The following MACF1 variants were observed in gnomAD, a reference collection of about 807,000 sequenced individuals.
MACF1 encodes the protein microtubule actin crosslinking factor 1, also known as microtubule-actin cross-linking factor 1.
In MACF1, 193 loss-of-function variants were observed where a neutral mutation model predicts 854.8. That is an observed-to-expected ratio of 0.23 (90% CI 0.20 to 0.25). The LOEUF (loss-of-function observed/expected upper bound fraction) is 0.25, where lower values mean the gene tolerates loss of function less well. MACF1 is among the 10% of genes least tolerant of loss of function. MACF1 has a pLI of 1.00. For synonymous variants in MACF1, 3,185 were observed against 3,226.7 expected (o/e 0.99, Z 0.44); for missense variants, 7,722 against 8,929.1 (o/e 0.86, Z 5.45).
At chr1:39,423,126 C>T (rs773575604) in intron 60 of MACF1, among the ~76,000 whole-genome samples, 2 of 152,130 alleles carry the variant, frequency 1.3e-5, no homozygotes, top group African/African-American at 4.8e-5. Flanking sequence ...TATCCTATTT[C>T]AGTGTTCATC....
At chr1:39,193,977 G>A (rs1644286699) in intron 2 of MACF1, among the ~76,000 whole-genome samples, 1 of 152,008 alleles carries the variant, frequency 6.6e-6, no homozygotes, top group South Asian at 2.1e-4. Flanking sequence ...CCAAGTAGCT[G>A]GGATTACAGG....
intron 20 of MACF1, 55 bp from the exon 21 acceptor site, chr1:39,297,565 A>G (rs1645950009): frequency 1.2e-6 from 2 of 1,606,018 alleles, no homozygotes; most frequent in South Asian, 1.1e-5. Flanking sequence ...CTTAGTTAAT[A>G]TTCCGGTGTT....
At chr1:39,167,860 C>T (rs1325029760) in intron 2 of MACF1, among the ~76,000 whole-genome samples, 2 of 133,136 alleles carry the variant, frequency 1.5e-5, no homozygotes, top group African/African-American at 5.9e-5. Flanking sequence ...GGCAACAGGG[C>T]GAGACTCCGT....
intron 2 of MACF1, among the ~76,000 whole-genome samples, chr1:39,140,110 C>T (rs1643305429): frequency 6.6e-6 from 1 of 152,046 alleles, no homozygotes; most frequent in Admixed American, 6.6e-5. Flanking sequence ...TATGCCACTA[C>T]ACCCAGCTAA....
At chr1:39,097,728 AAAG>A (rs923702082) in intron 2 of MACF1, among the ~76,000 whole-genome samples, 6 of 152,018 alleles carry the variant, frequency 3.9e-5, no homozygotes, top group Non-Finnish European at 5.9e-5. Flanking sequence ...TCTCAAAAAA[AAAG>A]AAATTCATCA....
chr1:39,308,598 A>G (rs1646236726), intron 23 of MACF1, among the ~76,000 whole-genome samples: 1 of 151,830 alleles, frequency 6.6e-6, no homozygotes, highest in Admixed American at 6.6e-5. Context: ...TGAAATCAAG[A>G]TTGAATTAGA....
rs1643780823 is a variant in MACF1 at position 39,428,048 on chromosome 1, G to A, written c.16564G>A (p.Ala5522Thr). ...GQSLSSLTSPAEQGVLSEKID... is the reference protein window; with the variant it reads ...GQSLSSLTSPTEQGVLSEKID... ...GTCCCTCTCCTCCCTGACATCTCCT[G>A]CAGAACAGGGTGTGCTGTCAGAAAA... Residue 5522 changes from alanine to threonine, a missense_variant, in exon 63 of 101, where the codon GCA (alanine) becomes ACA (threonine). By Grantham distance (58) the Ala-to-Thr change is moderately conservative. Around this residue, in one of 15 missense-constraint regions of MACF1, gnomAD observed 2,807 missense variants for 3,235.8 expected, o/e 0.87. Transcript: ENST00000564288. 1 of 1,614,216 alleles carries A rather than the reference G, an allele frequency of 6.2e-7. No individual in the cohort carries two copies. Among genetic ancestry groups the A allele is most frequent in the Non-Finnish European group, 8.5e-7 (1 of 1,180,036 alleles).
At chr1:39,100,502 A>G (rs1642042449) in intron 2 of MACF1, among the ~76,000 whole-genome samples, 1 of 152,230 alleles carries the variant, frequency 6.6e-6, no homozygotes. Context: ...CCAGCTAGTC[A>G]GTAGTCACAG....
intron 1 of MACF1, among the ~76,000 whole-genome samples, chr1:39,229,331 A>G (rs140435946): frequency 6.6e-6 from 1 of 152,232 alleles, no homozygotes; most frequent in African/African-American, 2.4e-5. Flanking sequence ...AAGATAAGAA[A>G]GTACTTATTG....
chr1:39,470,112 G>A (rs191301955), intron 97 of MACF1, among the ~76,000 whole-genome samples: 1 of 152,262 alleles, frequency 6.6e-6, no homozygotes, highest in East Asian at 1.9e-4. Context: ...TGGATCACCT[G>A]CATAATTATT....
chr1:39,335,911 G>T lies in MACF1; in HGVS notation c.9323G>T (p.Arg3108Ile). 1 of 1,614,030 alleles carries T rather than the reference G, an allele frequency of 6.2e-7. No homozygotes were observed. The highest frequency in any genetic ancestry group is 1.1e-5 in the South Asian group (1 of 91,070). Residue 3108 changes from arginine (R) to isoleucine (I), a missense_variant, in exon 37 of 101, where the codon AGA (arginine) becomes ATA (isoleucine). By Grantham distance (97) the Arg-to-Ile change is moderately conservative. Around this residue, in one of 15 missense-constraint regions of MACF1, gnomAD observed 854 missense variants for 852.6 expected, o/e 1.00. Coordinates refer to ENST00000564288, the MANE Select transcript of MACF1 (RefSeq NM_001394062.1). ...GAACCATTCCCTTGTATGACCCCAA[G>T]ACCTGAAGGATTGCACTACCAGGAA... ...QSEPFPCMTP[R>I]PEGLHYQESD... is the part of the protein sequence containing the mutation.
intron 6 of MACF1, among the ~76,000 whole-genome samples, chr1:39,273,215 C>T (rs1645361837): frequency 6.7e-6 from 1 of 149,326 alleles, no homozygotes; most frequent in Non-Finnish European, 1.5e-5. Context: ...CGGCTCACTG[C>T]AGCCTCTGCC....
Position 39,296,751 on chromosome 1 carries a change from A to AAAGAAAGAAAGG in MACF1, c.2356-866_2356-865insAAAGAAAGGAAG, listed in dbSNP as rs1362049025. 3.3e-4 allele frequency among the ~76,000 whole-genome samples: 31 copies of AAAGAAAGAAAGG among 93,718 alleles called. 1 individual carries two copies. The highest frequency in any genetic ancestry group is 1.1e-3 in the African/African-American group (25 of 22,258). 61.5% of individuals were successfully genotyped at this position (93,718 alleles called of 152,430 possible). Reference sequence around the variant, plus strand: ...AATAAAAAGAAAGAAAGAAAGAAAGAAAGGAAGGAAGGAAGGAAGGAAAAG... The same window carrying AAAGAAAGAAAGG: ...AATAAAAAGAAAGAAAGAAAGAAAGAAAGAAAGAAAGGAAGGAAGGAAGGAAGGAAGGAAAAG... On this transcript the variant is annotated intron_variant, in intron 20 of 100. Coordinates refer to ENST00000564288, the MANE Select transcript of MACF1 (RefSeq NM_001394062.1).
intron 1 of MACF1, among the ~76,000 whole-genome samples, chr1:39,212,666 C>T (rs191012385): frequency 2.6e-5 from 4 of 152,184 alleles, no homozygotes; most frequent in Non-Finnish European, 5.9e-5. Flanking sequence ...TCTGTCGCCC[C>T]GGCTGGAGTG....
At chr1:39,108,049 A>ATTTT (rs11433977) in intron 2 of MACF1, among the ~76,000 whole-genome samples, 1 of 140,384 alleles carries the variant, frequency 7.1e-6, no homozygotes. Flanking sequence ...CTTGGCAACC[A>ATTTT]TTTTTTTTTT....
intron 2 of MACF1, among the ~76,000 whole-genome samples, chr1:39,160,940 G>A (rs77010431): frequency 1.4e-3 from 207 of 152,270 alleles, no homozygotes; most frequent in African/African-American, 4.7e-3. Context: ...GTTACTGACT[G>A]TTGCTTTTCT....
chr1:39,381,813 G>A, intron 55 of MACF1, 140 bp from the exon 56 acceptor site: 1 of 676,648 alleles, frequency 1.5e-6, no homozygotes, highest in Non-Finnish European at 2.6e-6. Flanking sequence ...GGGTGATAGA[G>A]TGAGACACTG....
rs762726254 is a variant in MACF1, at chr1:39,228,078, A to C, written c.110-3104A>C. Among the ~76,000 whole-genome samples, 18 of 152,334 alleles carry C rather than the reference A, an allele frequency of 1.2e-4. No individual in the cohort carries two copies. The East Asian group carries it at 3.5e-3, about 29-fold the overall frequency. On this transcript the variant is annotated intron_variant, in intron 1 of 100. Coordinates refer to ENST00000564288, the MANE Select transcript of MACF1 (RefSeq NM_001394062.1). The stretch of plus-strand genomic sequence containing the variant: ...GTAATCCCAGCATTTTGGGAGGCCA[A>C]CGCGGGTGGATCACCTGAGGTCAGG...
At chr1:39,365,859 A>G (rs1278528113) in intron 49 of MACF1, among the ~76,000 whole-genome samples, 1 of 152,010 alleles carries the variant, frequency 6.6e-6, no homozygotes, top group Non-Finnish European at 1.5e-5. Context: ...TATTTTTAGC[A>G]GAGACGGGGT....
Sources: allele counts gnomAD v4.1 joint callset (sites outside exome capture counted in the v4.1 genomes callset), GRCh38; gene constraint gnomAD v4.1.1; regional missense constraint gnomAD v4.1.1; transcripts MANE v1.5; gene names NCBI Gene and HGNC (gene_info 2026-07-23, HGNC 2026-07-21).